GPHN: variants seen among roughly 807,000 people sequenced by gnomAD.
GPHN encodes the protein gephyrin.
A neutral mutation model predicts 95.5 loss-of-function variants in GPHN; 17 were observed. The ratio of observed to expected loss-of-function variants is 0.18; its 90% CI spans 0.12 to 0.27. The LOEUF (loss-of-function observed/expected upper bound fraction) is 0.27, where lower values mean the gene tolerates loss of function less well. GPHN is among the 10% of genes least tolerant of loss of function. The probability of loss-of-function intolerance (pLI) is 1.00; values close to 1 mark genes in which losing one functional copy is unlikely to be tolerated. For synonymous variants in GPHN, 320 were observed against 322.5 expected, an observed-to-expected ratio of 0.99 and a Z score of 0.08; for missense variants, 660 against 978.1, an observed-to-expected ratio of 0.67 and a Z score of 4.34.
At chr14:66,911,252 T>C (rs923496765) in intron 5 of GPHN, among the ~76,000 whole-genome samples, 3 of 151,884 alleles carry the variant, frequency 2.0e-5, no homozygotes, top group Non-Finnish European at 4.4e-5. Context: ...AGTGAATGCC[T>C]AGGGCTGGGA....
At chr14:66,984,938 G>A (rs1346989260) in intron 9 of GPHN, among the ~76,000 whole-genome samples, 3 of 150,068 alleles carry the variant, frequency 2.0e-5, no homozygotes, top group African/African-American at 7.3e-5. Context: ...AAAACATTTT[G>A]TGTTGAGAAA....
the GPHN span, among the ~76,000 whole-genome samples, chr14:67,328,147 G>A: frequency 1.3e-5 from 2 of 152,270 alleles, no homozygotes; most frequent in East Asian, 3.9e-4. Context: ...AGCACCTGTT[G>A]TTTCCGACTT....
intron 12 of GPHN, among the ~76,000 whole-genome samples, chr14:67,092,544 G>T (rs1413851468): frequency 6.6e-6 from 1 of 152,130 alleles, no homozygotes; most frequent in African/African-American, 2.4e-5. Flanking sequence ...GCATTAGCCA[G>T]TATCCTTCAG....
chr14:67,675,472 A>G, the GPHN span, among the ~76,000 whole-genome samples: 33 of 152,128 alleles, frequency 2.2e-4, no homozygotes, highest in East Asian at 5.2e-3. Flanking sequence ...TCTTGTCTCC[A>G]AAAAAACAAA....
At chr14:67,035,734 T>TG (rs1305917137) in intron 10 of GPHN, among the ~76,000 whole-genome samples, 7 of 151,758 alleles carry the variant, frequency 4.6e-5, no homozygotes, top group Non-Finnish European at 7.4e-5. Flanking sequence ...TTAAGGATAT[T>TG]GAATCAGTAA....
the GPHN span, among the ~76,000 whole-genome samples, chr14:67,405,060 C>G: frequency 6.6e-6 from 1 of 150,972 alleles, no homozygotes; most frequent in Non-Finnish European, 1.5e-5. Flanking sequence ...ATGGCGAAAC[C>G]CCATCTCTAC....
At chr14:67,733,786 A>G in the GPHN span, 1 of 1,613,576 alleles carries the variant, frequency 6.2e-7, no homozygotes, top group South Asian at 1.1e-5. Context: ...GGCCCGAAAT[A>G]ACAAAACAGC....
chr14:67,200,487 C>CT, the GPHN span: 1 of 374,868 alleles, frequency 2.7e-6, no homozygotes, highest in Non-Finnish European at 4.8e-6. Context: ...GGAGGTATTT[C>CT]TTTTTTATGT....
the GPHN span, chr14:67,571,664 G>T: frequency 7.2e-7 from 1 of 1,396,228 alleles, no homozygotes; most frequent in Non-Finnish European, 1.0e-6. Flanking sequence ...CCACACCATG[G>T]GCACTTGGAC....
At chr14:67,147,558 A>G (rs772860158) in intron 18 of GPHN, among the ~76,000 whole-genome samples, 5 of 151,818 alleles carry the variant, frequency 3.3e-5, no homozygotes, top group Non-Finnish European at 7.4e-5. Flanking sequence ...GTTTTTTGAG[A>G]CAAAGTCTCA....
At position 66,764,379 on chromosome 14, in the gene GPHN, A is replaced by G. The variant is rs746071274; in HGVS notation, c.144-12085A>G. On this transcript the variant is annotated intron_variant, in intron 2 of 22. Coordinates refer to ENST00000478722, the MANE Select transcript of GPHN (RefSeq NM_020806.5). The stretch of plus-strand genomic sequence containing the variant: ...CTCAAGGATACCCAGGGAGGACTGT[A>G]CCAAGTACTGTTCTGTAAACTTGGC... Among the ~76,000 whole-genome samples the G allele has an allele frequency of 1.3e-5, 2 of 152,226 alleles. 1 individual carries two copies. Among genetic ancestry groups the G allele is most frequent in the Middle Eastern group, 6.8e-3 (2 of 294 alleles).
the GPHN span, chr14:67,473,079 C>T: frequency 0.075 from 20,983 of 279,854 alleles, 1,093 homozygotes; most frequent in Non-Finnish European, 0.1. This position sits in a 1 kb window ranked among gnomAD's most constrained non-coding sequence, Gnocchi z 6.5. Flanking sequence ...CGGCCCCATT[C>T]TCATTGTCCC....
intron 1 of GPHN, among the ~76,000 whole-genome samples, chr14:66,662,963 A>C (rs72726465): frequency 0.059 from 8,917 of 152,256 alleles, 356 homozygotes; most frequent in Middle Eastern, 0.099. Context: ...ACCTCTGAGA[A>C]ATATGAGATT....
chr14:67,373,152 T>C, the GPHN span, among the ~76,000 whole-genome samples: 3 of 152,214 alleles, frequency 2.0e-5, no homozygotes, highest in African/African-American at 7.2e-5. Context: ...GTACTTAATA[T>C]ATAACCCAGC....
At chr14:67,322,815 T>C in the GPHN span, among the ~76,000 whole-genome samples, 1 of 152,240 alleles carries the variant, frequency 6.6e-6, no homozygotes, top group African/African-American at 2.4e-5. Context: ...AGCAATGGCA[T>C]ATTCCTATAA....
intron 4 of GPHN, among the ~76,000 whole-genome samples, chr14:66,841,430 G>A (rs146973903): frequency 4.5e-4 from 69 of 152,272 alleles, no homozygotes; most frequent in African/African-American, 1.6e-3. Context: ...GGGAAAACAA[G>A]TTAGGAGACT....
chr14:66,899,921 C>A (rs991888588), intron 5 of GPHN, among the ~76,000 whole-genome samples: 1 of 151,716 alleles, frequency 6.6e-6, no homozygotes, highest in African/African-American at 2.4e-5. Context: ...AGTTTTTTTA[C>A]TATAAATTGA....
At chr14:67,488,314 A>C in the GPHN span, among the ~76,000 whole-genome samples, 1 of 152,254 alleles carries the variant, frequency 6.6e-6, no homozygotes, top group Admixed American at 6.5e-5. Context: ...GCAGCCGAGG[A>C]GAAGTGAAAG....
chr14:66,838,003 T>G, intron 4 of GPHN, among the ~76,000 whole-genome samples: 1 of 152,096 alleles, frequency 6.6e-6, no homozygotes, highest in East Asian at 1.9e-4. Context: ...CCATATAACC[T>G]TTTATGGAGT....
Sources: allele counts gnomAD v4.1 joint callset (sites outside exome capture counted in the v4.1 genomes callset), GRCh38; gene constraint gnomAD v4.1.1; non-coding constraint Gnocchi (gnomAD v3.1); transcripts MANE v1.5; gene names NCBI Gene and HGNC (gene_info 2026-07-23, HGNC 2026-07-21).